The following PLXDC2 variants were observed in gnomAD, a reference collection of about 807,000 sequenced individuals.
The protein encoded by PLXDC2 is plexin domain-containing protein 2.
In PLXDC2, 40 loss-of-function variants were observed where a neutral mutation model predicts 68.9. The observed-to-expected ratio is 0.58, with a 90% confidence interval of 0.45 to 0.76. The LOEUF is 0.76. Ranked by LOEUF, PLXDC2 falls within the 30% of genes least tolerant of loss-of-function variation. PLXDC2 has a pLI of 0.00. For synonymous variants in PLXDC2, 243 were observed against 234.2 expected (o/e 1.04, Z -0.34); for missense variants, 644 against 661.9 (o/e 0.97, Z 0.30).
chr10:19,998,073 A>G (rs747983269), intron 1 of PLXDC2, among the ~76,000 whole-genome samples: 3 of 152,214 alleles, frequency 2.0e-5, no homozygotes, highest in Non-Finnish European at 4.4e-5. Flanking sequence ...TAATTAACAT[A>G]CAGTAGACCG....
chr10:20,221,810 T>C (rs1835215772), intron 12 of PLXDC2, among the ~76,000 whole-genome samples: 1 of 152,230 alleles, frequency 6.6e-6, no homozygotes, highest in Non-Finnish European at 1.5e-5. Context: ...TTTTCTGACA[T>C]TTACTGAGGT....
At chr10:19,915,862 AAAGAAGAAG>A (rs71507296) in intron 1 of PLXDC2, among the ~76,000 whole-genome samples, 1 of 150,006 alleles carries the variant, frequency 6.7e-6, no homozygotes, top group Non-Finnish European at 1.5e-5. Context: ...AACCAAAAAA[AAAGAAGAAG>A]AAGAAGAAGA....
rs774647693 is a variant in PLXDC2, at chr10:19,948,964, T to C, written c.113-52811T>C. On this transcript the variant is annotated intron_variant, in intron 1 of 13. Transcript: ENST00000377252. The stretch of plus-strand genomic sequence containing the variant: ...AGCCAACATGGTGAAACCCTGTCTT[T>C]ACTAAAAATACAAAAATTATCTGGG... Among the ~76,000 whole-genome samples, 30 of 151,664 alleles carry C rather than the reference T, an allele frequency of 2.0e-4. No individual in the cohort carries two copies. The Middle Eastern group carries it at 0.017, about 87-fold the overall frequency.
At chr10:20,037,144 T>C (rs1366119546) in intron 2 of PLXDC2, among the ~76,000 whole-genome samples, 8 of 152,198 alleles carry the variant, frequency 5.3e-5, no homozygotes. Flanking sequence ...CAGTGCCTAT[T>C]TAGAGTCAGA....
At chr10:19,912,846 A>G (rs979075419) in intron 1 of PLXDC2, among the ~76,000 whole-genome samples, 2 of 152,168 alleles carry the variant, frequency 1.3e-5, no homozygotes, top group African/African-American at 4.8e-5. Flanking sequence ...TTATCATCCA[A>G]AGATCTCATT....
At chr10:20,041,385 G>A (rs1464285950) in intron 2 of PLXDC2, among the ~76,000 whole-genome samples, 1 of 151,890 alleles carries the variant, frequency 6.6e-6, no homozygotes, top group Non-Finnish European at 1.5e-5. Flanking sequence ...GAGGTACCAG[G>A]TACCAGCTTA....
chr10:20,191,779 A>T (rs999302784), intron 9 of PLXDC2, among the ~76,000 whole-genome samples: 1 of 152,110 alleles, frequency 6.6e-6, no homozygotes, highest in Non-Finnish European at 1.5e-5. Context: ...CACGTTGTGC[A>T]CATGTACCCT....
chr10:19,905,059 C>T (rs897214967), intron 1 of PLXDC2, among the ~76,000 whole-genome samples: 12 of 152,178 alleles, frequency 7.9e-5, no homozygotes, highest in Non-Finnish European at 1.8e-4. Flanking sequence ...CTGTGCTGCT[C>T]ACCACTTTCA....
intron 1 of PLXDC2, among the ~76,000 whole-genome samples, chr10:19,832,116 T>C (rs527274171): frequency 6.6e-6 from 1 of 152,366 alleles, no homozygotes; most frequent in East Asian, 1.9e-4. Flanking sequence ...TAGCCAATGC[T>C]TATTGATGTT....
intron 1 of PLXDC2, among the ~76,000 whole-genome samples, chr10:19,940,497 T>A (rs968814734): frequency 2.6e-5 from 4 of 151,658 alleles, no homozygotes; most frequent in African/African-American, 9.7e-5. Context: ...TATGTTTTAC[T>A]TGGGTAGGTC....
Position 20,170,056 on chromosome 10 carries a change from A to G in PLXDC2, c.883+5489A>G, listed in dbSNP as rs138381656. On this transcript the variant is annotated intron_variant, in intron 7 of 13. Transcript: ENST00000377252. Reference sequence around the variant, plus strand: ...TCCATAAGAAACATTAAGCATTTTCACAAATAAAACTGACAACTAGCAGAG... The same window carrying G: ...TCCATAAGAAACATTAAGCATTTTCGCAAATAAAACTGACAACTAGCAGAG... 6.4e-3 allele frequency among the ~76,000 whole-genome samples: 980 copies of G among 152,342 alleles called. 4 individuals are homozygous for G. Among genetic ancestry groups the G allele is most frequent in the Non-Finnish European group, 9.8e-3 (668 of 68,032 alleles).
chr10:20,050,694 T>TA (rs952496901), intron 3 of PLXDC2, among the ~76,000 whole-genome samples: 1,858 of 147,420 alleles, frequency 0.013, 32 homozygotes, highest in African/African-American at 0.043. Context: ...TATTAAAAAG[T>TA]AAAAAAAAAA....
chr10:20,162,804 C>G (rs1186666962), intron 6 of PLXDC2, among the ~76,000 whole-genome samples: 1 of 151,434 alleles, frequency 6.6e-6, no homozygotes, highest in East Asian at 1.9e-4. Context: ...TAGCTCACGC[C>G]TGCAATCCCA....
intron 4 of PLXDC2, among the ~76,000 whole-genome samples, chr10:20,101,064 T>G (rs1833415702): frequency 6.6e-6 from 1 of 152,218 alleles, no homozygotes; most frequent in Non-Finnish European, 1.5e-5. Context: ...TTTAAAATTT[T>G]TTCTGCCAAA....
intron 1 of PLXDC2, among the ~76,000 whole-genome samples, chr10:19,856,379 GACACACACACACACACAC>G (rs34129216): frequency 6.9e-6 from 1 of 144,128 alleles, no homozygotes; most frequent in Non-Finnish European, 1.5e-5. Flanking sequence ...CACACACACA[GACACACACACACACACAC>G]ACACACACAC....
At chr10:20,199,195 A>G (rs1195022486) in intron 9 of PLXDC2, among the ~76,000 whole-genome samples, 1 of 152,052 alleles carries the variant, frequency 6.6e-6, no homozygotes, top group African/African-American at 2.4e-5. Context: ...GGTCATCTTG[A>G]CAGATGGAAA....
intron 1 of PLXDC2, among the ~76,000 whole-genome samples, chr10:19,962,084 T>G (rs956143505): frequency 1.3e-5 from 2 of 152,182 alleles, no homozygotes; most frequent in African/African-American, 2.4e-5. Flanking sequence ...TGGAAAGAAA[T>G]AAATCAGGGA....
intron 12 of PLXDC2, among the ~76,000 whole-genome samples, chr10:20,229,919 C>A (rs1835338089): frequency 6.6e-6 from 1 of 151,832 alleles, no homozygotes; most frequent in South Asian, 2.1e-4. Flanking sequence ...TACTCACCAG[C>A]CACTAAAGAA....
At chr10:19,943,737 A>G (rs1589548976) in intron 1 of PLXDC2, among the ~76,000 whole-genome samples, 1 of 152,224 alleles carries the variant, frequency 6.6e-6, no homozygotes, top group Non-Finnish European at 1.5e-5. Flanking sequence ...TTCTAAAGAA[A>G]TACTTCAAGT....
Sources: allele counts gnomAD v4.1 joint callset (sites outside exome capture counted in the v4.1 genomes callset), GRCh38; gene constraint gnomAD v4.1.1; transcripts MANE v1.5; gene names NCBI Gene and HGNC (gene_info 2026-07-23, HGNC 2026-07-21).